Variants in SEC14L5 observed in about 807,000 individuals in gnomAD.
The protein encoded by SEC14L5 is SEC14 like lipid binding 5, also known as SEC14-like protein 5.
Under a neutral mutation model 84.6 loss-of-function variants are expected in SEC14L5, and 96 were observed. The ratio of observed to expected loss-of-function variants is 1.13; its 90% CI spans 0.96 to 1.34. SEC14L5 has a LOEUF of 1.34. Among genes scored for constraint, SEC14L5 ranks in the 40% most tolerant of loss-of-function variants. The pLI is 0.00. For missense variants in SEC14L5, 1,224 were observed against 942.5 expected (o/e 1.30, Z -3.91); for synonymous variants, 546 against 383.4 (o/e 1.42, Z -4.95).
rs560561533 is a variant in SEC14L5, at chr16:5,008,570, C to G, written c.1722C>G (p.Ile574Met). 2.5e-6 allele frequency: 4 copies of G among 1,607,604 alleles called. No individual in the cohort carries two copies. The Admixed American group carries it at 6.9e-5, about 28-fold the overall frequency. The change falls in exon 14 of 16, where the codon ATC (isoleucine) becomes ATG (methionine). Residue 574 changes from isoleucine (I) to methionine (M), a missense_variant. Transcript: ENST00000251170. ...EPGTRASGQL[I>M]DKGWVLGRDY... ...GGACCAGGGCCAGCGGGCAGCTGATCGACAAAGGCTGGGTCCTGGGCAGGG... is the reference window on the plus strand; with the variant it reads ...GGACCAGGGCCAGCGGGCAGCTGATGGACAAAGGCTGGGTCCTGGGCAGGG...
chr16:5,010,332 C>T (rs144859442), intron 14 of SEC14L5, among the ~76,000 whole-genome samples: 2 of 150,998 alleles, frequency 1.3e-5, no homozygotes, highest in East Asian at 2.0e-4. Flanking sequence ...CCATTATACT[C>T]TAGTCTGAGT....
chr16:4,996,414 G>A lies in SEC14L5; in HGVS notation c.734G>A (p.Cys245Tyr). 6.4e-7 allele frequency: 1 copy of A among 1,574,260 alleles called. No individual in the cohort carries two copies. The highest frequency in any genetic ancestry group is 8.6e-7 in the Non-Finnish European group (1 of 1,160,714). Residue 245 changes from cysteine (C) to tyrosine (Y), a missense_variant, in exon 7 of 16, where the codon TGC (cysteine) becomes TAC (tyrosine). By Grantham distance (194) the Cys-to-Tyr change is radical (BLOSUM62 -2). Coordinates refer to ENST00000251170, the MANE Select transcript of SEC14L5 (RefSeq NM_014692.2). ...LGHLTPMQES[C>Y]LIQLRHWLQE... ...CACCTCACGCCCATGCAGGAGAGCT[G>A]CCTGATCCAGCTTCGGCACTGGTTA...
chr16:5,010,653 A>C (rs1428843259), intron 14 of SEC14L5, among the ~76,000 whole-genome samples: 1 of 152,098 alleles, frequency 6.6e-6, no homozygotes, highest in Non-Finnish European at 1.5e-5. Context: ...GAGCAACCCA[A>C]AGTGGCTCTT....
intron 2 of SEC14L5, among the ~76,000 whole-genome samples, chr16:4,970,884 T>C (rs930946296): frequency 6.6e-6 from 1 of 151,352 alleles, no homozygotes; most frequent in African/African-American, 2.4e-5. Flanking sequence ...CCGAGGCGGG[T>C]GGATCACGAG....
chr16:4,998,261 C>T (rs1955634867), intron 8 of SEC14L5, among the ~76,000 whole-genome samples: 1 of 151,062 alleles, frequency 6.6e-6, no homozygotes. Context: ...CCCGCCTTGG[C>T]CTCCTGAAGT....
intron 8 of SEC14L5, among the ~76,000 whole-genome samples, chr16:4,997,854 C>T (rs1478777759): frequency 6.6e-6 from 1 of 152,054 alleles, no homozygotes; most frequent in African/African-American, 2.4e-5. Flanking sequence ...CCTCTCTCTT[C>T]ACATGGCCTT....
intron 4 of SEC14L5, 131 bp from the exon 5 acceptor site, chr16:4,990,636 T>C (rs1180898946): frequency 4.7e-6 from 4 of 844,180 alleles, no homozygotes; most frequent in Non-Finnish European, 6.9e-6. Flanking sequence ...TGCTACCCCA[T>C]CCAGGGTTGC....
At chr16:4,984,874 T>G (rs146566479) in intron 2 of SEC14L5, among the ~76,000 whole-genome samples, 6 of 152,378 alleles carry the variant, frequency 3.9e-5, no homozygotes, top group African/African-American at 1.4e-4. Flanking sequence ...TCTGCCATTT[T>G]AAAATTGGGT....
rs892076368 is a variant in SEC14L5, at chr16:5,006,021, C to T, written c.1410C>T (p.Ile470=). The change falls in exon 12 of 16, where the codon ATC becomes ATT. Residue 470 remains isoleucine, a synonymous_variant. Coordinates refer to ENST00000251170, the MANE Select transcript of SEC14L5 (RefSeq NM_014692.2). ...TGGACTATCTGGATAGAGAAGTGAT[C>T]CCTGACTTCCTTGGGGGAGAGAGTG... is the stretch of plus-strand genomic sequence containing the variant. ...GLVDYLDREV[I]PDFLGGESVC... The T allele has an allele frequency of 4.3e-6, 7 of 1,613,762 alleles. No homozygotes were observed. The Admixed American group carries it at 1.0e-4, about 23-fold the overall frequency.
intron 2 of SEC14L5, among the ~76,000 whole-genome samples, chr16:4,965,869 C>T (rs1326080223): frequency 6.6e-6 from 1 of 151,546 alleles, no homozygotes; most frequent in African/African-American, 2.4e-5. Context: ...TAGGGAGTCC[C>T]CATCTCTACC....
intron 2 of SEC14L5, among the ~76,000 whole-genome samples, chr16:4,963,538 G>A (rs1180093959): frequency 1.3e-5 from 2 of 152,228 alleles, no homozygotes; most frequent in African/African-American, 4.8e-5. Context: ...TAGAGACGGG[G>A]TTTCACCATG....
At position 4,990,791 on chromosome 16, in the gene SEC14L5, A is replaced by G; in HGVS notation, c.370A>G (p.Thr124Ala). The change falls in exon 5 of 16, where the codon ACT becomes GCT. Residue 124 changes from threonine to alanine, a missense_variant. Transcript: ENST00000251170. ...YTVHPENEDW[T>A]CFEQSASLDI... ...GGTCCACCCTGAGAATGAAGACTGG[A>G]CTTGCTTCGAGCAGTCTGCCTCACT... 6.2e-7 allele frequency: 1 copy of G among 1,610,956 alleles called. No homozygotes were observed. The highest frequency in any genetic ancestry group is 8.5e-7 in the Non-Finnish European group (1 of 1,178,514).
intron 2 of SEC14L5, among the ~76,000 whole-genome samples, chr16:4,983,165 G>T (rs867224178): frequency 5.3e-5 from 8 of 151,944 alleles, no homozygotes; most frequent in African/African-American, 1.9e-4. Flanking sequence ...ACCATGCCCA[G>T]CTAATTTTTG....
At chr16:4,964,648 C>G (rs1252167438) in intron 2 of SEC14L5, among the ~76,000 whole-genome samples, 1 of 152,046 alleles carries the variant, frequency 6.6e-6, no homozygotes, top group Non-Finnish European at 1.5e-5. Flanking sequence ...TTCCCCAATT[C>G]TTCTTCTTCA....
intron 6 of SEC14L5, among the ~76,000 whole-genome samples, chr16:4,995,362 C>T (rs1955597922): frequency 6.6e-6 from 1 of 152,192 alleles, no homozygotes; most frequent in African/African-American, 2.4e-5. Context: ...TACAACCGCC[C>T]AGTTGTGGGG....
chr16:5,003,618 G>GCCC, intron 11 of SEC14L5, 45 bp downstream of exon 11: 6 of 414,172 alleles, frequency 1.4e-5, no homozygotes, highest in East Asian at 1.5e-4. Context: ...GGGGTGGGTG[G>GCCC]GATGGGAGGG....
At chr16:4,982,499 C>T (rs899721424) in intron 2 of SEC14L5, among the ~76,000 whole-genome samples, 1 of 152,132 alleles carries the variant, frequency 6.6e-6, no homozygotes, top group Non-Finnish European at 1.5e-5. Context: ...CTACCTTCAC[C>T]CAGCTCTACA....
intron 15 of SEC14L5, 103 bp downstream of exon 15, chr16:5,011,376 G>T (rs1298291426): frequency 1.7e-6 from 2 of 1,208,136 alleles, no homozygotes; most frequent in East Asian, 5.0e-5. Context: ...AGCTTCTCCC[G>T]GGGTGGGACC....
chr16:4,979,085 G>A (rs532191651), intron 2 of SEC14L5, among the ~76,000 whole-genome samples: 112 of 152,256 alleles, frequency 7.4e-4, no homozygotes, highest in African/African-American at 2.6e-3. Context: ...AAAGAGGCTG[G>A]ACCCTCAGAG....
Sources: gnomAD v4.1 joint callset for allele counts (sites outside exome capture counted in the v4.1 genomes callset) on GRCh38, gnomAD v4.1.1 for gene constraint, MANE v1.5 for transcripts, NCBI Gene and HGNC (gene_info 2026-07-23, HGNC 2026-07-21) for gene names.